The following ADCY2 variants were observed in gnomAD, a reference collection of about 807,000 sequenced individuals.
ADCY2 encodes adenylate cyclase 2, also known as adenylate cyclase type 2.
A neutral mutation model predicts 125.2 loss-of-function variants in ADCY2; 31 were observed. That is an observed-to-expected ratio of 0.25 (90% CI 0.19 to 0.33). The LOEUF (loss-of-function observed/expected upper bound fraction) is 0.33, where lower values mean the gene tolerates loss of function less well. Among genes scored for constraint, ADCY2 ranks in the 10% least tolerant of loss-of-function variants. ADCY2 has a pLI of 1.00. For missense variants in ADCY2, 904 were observed against 1,418.2 expected, an observed-to-expected ratio of 0.64 and a Z score of 5.82; for synonymous variants, 512 against 548.4, an observed-to-expected ratio of 0.93 and a Z score of 0.93.
At position 7,619,813 on chromosome 5, in the gene ADCY2, C is replaced by G. The variant is rs528775607; in HGVS notation, c.571-6354C>G. Among the ~76,000 whole-genome samples, 4 of 152,296 alleles carry G rather than the reference C, an allele frequency of 2.6e-5. No individual in the cohort carries two copies. The East Asian group carries it at 7.7e-4, about 29-fold the overall frequency. On this transcript the variant is annotated intron_variant, in intron 3 of 24. Transcript: ENST00000338316. The stretch of plus-strand genomic sequence containing the variant: ...TATGGAGCCCTGAGTATTGGAAACT[C>G]CATGTTATTCCCTTTTCTCTGGTTC...
chr5:7,474,825 G>T (rs1481289357), intron 2 of ADCY2, among the ~76,000 whole-genome samples: 2 of 152,252 alleles, frequency 1.3e-5, no homozygotes, highest in African/African-American at 4.8e-5. Context: ...CCTCTCTGGT[G>T]GGGTGGTTGG....
intron 2 of ADCY2, among the ~76,000 whole-genome samples, chr5:7,454,906 T>C (rs1741612449): frequency 6.6e-6 from 1 of 152,212 alleles, no homozygotes; most frequent in African/African-American, 2.4e-5. Context: ...TTCTCATTAT[T>C]ATAATCATGT....
intron 4 of ADCY2, among the ~76,000 whole-genome samples, chr5:7,689,136 G>C (rs908643487): frequency 6.6e-6 from 1 of 152,126 alleles, no homozygotes; most frequent in African/African-American, 2.4e-5. Flanking sequence ...AGCGCTAATG[G>C]TAAATCAAAG....
In ADCY2 at chr5:7,612,825, G is replaced by A. The variant is rs1019842124; in HGVS notation, c.571-13342G>A. ...AGGTCAGGAGATCGAGACCATCATG[G>A]CTAACACGGTGAAACCCCGTCTCTA... On this transcript the variant is annotated intron_variant, in intron 3 of 24. Coordinates refer to ENST00000338316, the MANE Select transcript of ADCY2 (RefSeq NM_020546.3). 3.9e-5 allele frequency among the ~76,000 whole-genome samples: 6 copies of A among 152,236 alleles called. No homozygotes were observed. In the South Asian group the frequency reaches 6.2e-4, roughly 16 times the overall value.
rs774705877 is a variant in ADCY2, at chr5:7,804,674, C to T, written c.2865C>T (p.Pro955=). The change falls in exon 22 of 25, where the codon CCC becomes CCT. Residue 955 remains proline, a synonymous_variant. Coordinates refer to ENST00000338316, the MANE Select transcript of ADCY2 (RefSeq NM_020546.3). ...CAGCAACAGGTCTGAGCGCTGTGCC[C>T]AGCCAGGAGCACTCCCAGGTAAGAC... is the stretch of plus-strand genomic sequence containing the variant. ...YMAATGLSAV[P]SQEHSQEPER... 1.2e-5 allele frequency: 20 copies of T among 1,613,974 alleles called. No individual in the cohort carries two copies. In the South Asian group the frequency reaches 2.2e-4, roughly 18 times the overall value.
chr5:7,400,131 C>T (rs1739209460), intron 1 of ADCY2, among the ~76,000 whole-genome samples: 1 of 152,040 alleles, frequency 6.6e-6, no homozygotes, highest in Non-Finnish European at 1.5e-5. Flanking sequence ...TACCAGCTGG[C>T]TCCAGCCAGA....
At chr5:7,638,417 C>T (rs778663228) in intron 4 of ADCY2, among the ~76,000 whole-genome samples, 22 of 152,172 alleles carry the variant, frequency 1.4e-4, no homozygotes, top group Non-Finnish European at 2.2e-4. Context: ...ACAAGGTTTA[C>T]TTAGTAGTGT....
chr5:7,734,853 T>A (rs1742199779), intron 14 of ADCY2, among the ~76,000 whole-genome samples: 1 of 152,206 alleles, frequency 6.6e-6, no homozygotes, highest in Non-Finnish European at 1.5e-5. Flanking sequence ...AAGTCTGACA[T>A]CAGGGTGCCA....
At chr5:7,419,361 C>G (rs759386030) in intron 2 of ADCY2, among the ~76,000 whole-genome samples, 3 of 152,132 alleles carry the variant, frequency 2.0e-5, no homozygotes, top group South Asian at 2.1e-4. Context: ...CCAGGAAAAC[C>G]GCCAGACATG....
In ADCY2 at chr5:7,707,742, G is replaced by A. The variant is rs1436991288; in HGVS notation, c.1305G>A (p.Leu435=). 2 of 1,614,140 alleles carry A rather than the reference G, an allele frequency of 1.2e-6. No homozygotes were observed. The highest frequency in any genetic ancestry group is 8.5e-7 in the Non-Finnish European group (1 of 1,180,034). Residue 435 remains leucine (L), a synonymous_variant, in exon 9 of 25, where the codon TTG becomes TTA. Coordinates refer to ENST00000338316, the MANE Select transcript of ADCY2 (RefSeq NM_020546.3). ...TTTCTTCTGTCACCCTGGAGCACTT[G>A]AATGGCGCTTATAAAGTGGAGGAGG... ...VHISSVTLEH[L]NGAYKVEEGD...
rs138573063 is a variant in ADCY2 at position 7,820,748 on chromosome 5, A to G, written c.3123+59A>G. On this transcript the variant is annotated intron_variant, in intron 24 of 24. Transcript: ENST00000338316. ...AACCATGTCTGTTCTCTTGGGAACC[A>G]TAAATAAGTATAATAAGGATACTAA... 5.5e-4 allele frequency: 843 copies of G among 1,544,550 alleles called. 10 individuals are homozygous for G. The African/African-American group carries it at 1.0e-2, about 18-fold the overall frequency.
At chr5:7,728,274 G>T (rs1157328449) in intron 14 of ADCY2, among the ~76,000 whole-genome samples, 1 of 152,064 alleles carries the variant, frequency 6.6e-6, no homozygotes, top group Non-Finnish European at 1.5e-5. Flanking sequence ...TACTTCAAAG[G>T]ATTTTCTTCT....
At chr5:7,566,432 GC>G (rs1345864956) in intron 3 of ADCY2, among the ~76,000 whole-genome samples, 1 of 152,158 alleles carries the variant, frequency 6.6e-6, no homozygotes, top group Non-Finnish European at 1.5e-5. Context: ...GGAGTTTGAA[GC>G]TCCAGTGAGA....
At chr5:7,582,105 G>A (rs966347999) in intron 3 of ADCY2, among the ~76,000 whole-genome samples, 1 of 152,170 alleles carries the variant, frequency 6.6e-6, no homozygotes, top group African/African-American at 2.4e-5. Flanking sequence ...AACAGGCACT[G>A]TAAGGTTGGA....
chr5:7,699,081 A>ATTTTT (rs561359357), intron 7 of ADCY2, among the ~76,000 whole-genome samples: 2,771 of 37,964 alleles, frequency 0.073, 893 homozygotes, highest in East Asian at 0.3. Flanking sequence ...AACAGTAAGC[A>ATTTTT]TTTTTTTTTT....
chr5:7,728,667 A>T (rs967894890), intron 14 of ADCY2, among the ~76,000 whole-genome samples: 1 of 152,222 alleles, frequency 6.6e-6, no homozygotes, highest in Admixed American at 6.5e-5. Context: ...TTTGAAAGCT[A>T]CATACGTGAA....
chr5:7,526,382 A>T (rs1248268577), intron 3 of ADCY2, among the ~76,000 whole-genome samples: 28 of 152,218 alleles, frequency 1.8e-4, no homozygotes, highest in Admixed American at 1.8e-3. Context: ...AGAGAGAAGG[A>T]TAATTTCCAG....
At chr5:7,645,853 T>C (rs1310673205) in intron 4 of ADCY2, among the ~76,000 whole-genome samples, 2 of 152,204 alleles carry the variant, frequency 1.3e-5, no homozygotes, top group Non-Finnish European at 2.9e-5. Context: ...TTATCTGCCA[T>C]GGGACAAGAG....
chr5:7,447,991 G>C (rs945643207), intron 2 of ADCY2, among the ~76,000 whole-genome samples: 1 of 152,124 alleles, frequency 6.6e-6, no homozygotes, highest in Admixed American at 6.5e-5. Flanking sequence ...CCACAGACAC[G>C]GTGACCAGAG....
Sources: allele counts gnomAD v4.1 joint callset (sites outside exome capture counted in the v4.1 genomes callset), GRCh38; gene constraint gnomAD v4.1.1; transcripts MANE v1.5; gene names NCBI Gene and HGNC (gene_info 2026-07-23, HGNC 2026-07-21).